ATP1A4: variants seen among roughly 807,000 people sequenced by gnomAD.
The protein encoded by ATP1A4 is ATPase Na+/K+ transporting subunit alpha 4.
In ATP1A4, 90 loss-of-function variants were observed where a neutral mutation model predicts 114.3. The ratio of observed to expected loss-of-function variants is 0.79; its 90% CI spans 0.66 to 0.94. ATP1A4 has a LOEUF of 0.94. ATP1A4 is among the 40% of genes least tolerant of loss of function. The pLI, the probability that ATP1A4 is intolerant of heterozygous loss-of-function variation, is 0.00. For synonymous variants in ATP1A4, 511 were observed against 494.1 expected (o/e 1.03, Z -0.45); for missense variants, 1,222 against 1,313.6 (o/e 0.93, Z 1.08).
intron 12 of ATP1A4, among the ~76,000 whole-genome samples, chr1:160,173,131 G>A (rs924008465): frequency 2.6e-5 from 4 of 152,182 alleles, no homozygotes; most frequent in Admixed American, 1.3e-4. Flanking sequence ...TGAAACCAAG[G>A]CACAGGGTGA....
At chr1:160,181,263 G>T (rs1053498006) in intron 18 of ATP1A4, among the ~76,000 whole-genome samples, 4 of 152,204 alleles carry the variant, frequency 2.6e-5, no homozygotes, top group African/African-American at 7.2e-5. Context: ...TCTAAAGAGT[G>T]AGGACCTGGC....
At chr1:160,181,137 T>A (rs896332406) in intron 18 of ATP1A4, among the ~76,000 whole-genome samples, 10 of 152,250 alleles carry the variant, frequency 6.6e-5, no homozygotes, top group African/African-American at 2.4e-4. Flanking sequence ...GACATAAAGC[T>A]AAATAAGGCA....
At chr1:160,155,899 A>G (rs1447146777) in intron 3 of ATP1A4, 146 bp from the exon 4 acceptor site, 1 of 589,334 alleles carries the variant, frequency 1.7e-6, no homozygotes, top group African/African-American at 1.9e-5. Context: ...GTCCCACCTC[A>G]GATTCTTCTC....
intron 6 of ATP1A4, among the ~76,000 whole-genome samples, chr1:160,161,079 G>T (rs1000862231): frequency 2.0e-5 from 3 of 152,134 alleles, no homozygotes; most frequent in Non-Finnish European, 4.4e-5. Context: ...AAATGGTTTT[G>T]TAGGAGGCTA....
intron 18 of ATP1A4, among the ~76,000 whole-genome samples, chr1:160,181,379 C>T (rs979881465): frequency 5.9e-5 from 9 of 151,902 alleles, no homozygotes; most frequent in Non-Finnish European, 1.0e-4. Flanking sequence ...ATGGTGAAAC[C>T]CCGTCTCTAC....
chr1:160,155,842 G>A (rs1317820162), intron 3 of ATP1A4, among the ~76,000 whole-genome samples: 2 of 152,058 alleles, frequency 1.3e-5, no homozygotes, highest in African/African-American at 2.4e-5. Context: ...TTTTGCTGAC[G>A]GCTCACCATG....
chr1:160,179,124 A>G (rs935589463), intron 18 of ATP1A4, among the ~76,000 whole-genome samples: 1 of 152,210 alleles, frequency 6.6e-6, no homozygotes. Flanking sequence ...AACCAAGCCA[A>G]TTGCAGGTTT....
intron 1 of ATP1A4, among the ~76,000 whole-genome samples, chr1:160,152,891 G>C (rs1652505467): frequency 1.3e-5 from 2 of 152,054 alleles, no homozygotes; most frequent in Admixed American, 1.3e-4. Context: ...AAAATTAGCT[G>C]GTCCTGGTGA....
rs912446864 is a variant in ATP1A4, at chr1:160,167,304, G to C, written c.1383G>C (p.Glu461Asp). The C allele has an allele frequency of 6.8e-6, 11 of 1,609,472 alleles. No individual in the cohort carries two copies. Among genetic ancestry groups the C allele is most frequent in the Non-Finnish European group, 6.8e-6 (8 of 1,178,666 alleles). The stretch of plus-strand genomic sequence containing the variant: ...GGGCCACAACAGGTGATGCTTCCGA[G>C]TCAGCCCTCCTCAAGTTCATCGAGC... ...AKRATTGDASESALLKFIEQS... is the reference protein window; with the variant it reads ...AKRATTGDASDSALLKFIEQS... Residue 461 changes from glutamate (E) to aspartate (D), a missense_variant, in exon 10 of 22, where the codon GAG (glutamate) becomes GAC (aspartate). Coordinates refer to ENST00000368081, the MANE Select transcript of ATP1A4 (RefSeq NM_144699.4).
At chr1:160,161,290 C>G (rs1435812292) in intron 6 of ATP1A4, among the ~76,000 whole-genome samples, 1 of 152,182 alleles carries the variant, frequency 6.6e-6, no homozygotes, top group Admixed American at 6.5e-5. Context: ...AACCTTTACC[C>G]TTGCCTCCCA....
intron 12 of ATP1A4, among the ~76,000 whole-genome samples, 171 bp downstream of exon 12, chr1:160,171,928 T>C (rs1355260092): frequency 6.6e-6 from 1 of 152,234 alleles, no homozygotes; most frequent in African/African-American, 2.4e-5. Flanking sequence ...GTTAGAATTC[T>C]ACTTGCATTG....
intron 1 of ATP1A4, 103 bp downstream of exon 1, chr1:160,152,290 C>A: frequency 7.3e-6 from 9 of 1,231,430 alleles, no homozygotes; most frequent in South Asian, 6.8e-5. Context: ...GCCAGAGCCA[C>A]ATCTCTTCTC....
chr1:160,165,294 A>C (rs1258240878), intron 7 of ATP1A4, among the ~76,000 whole-genome samples: 1 of 152,264 alleles, frequency 6.6e-6, no homozygotes, highest in African/African-American at 2.4e-5. Flanking sequence ...TGTTATTAGA[A>C]GCCCATACTT....
chr1:160,159,284 T>C, intron 5 of ATP1A4, 125 bp from the exon 6 acceptor site: 2 of 1,351,890 alleles, frequency 1.5e-6, no homozygotes, highest in South Asian at 2.8e-5. Flanking sequence ...AACAGATGTG[T>C]AAATTTGTTT....
intron 10 of ATP1A4, chr1:160,171,007 C>T (rs1366064609): frequency 7.7e-6 from 3 of 388,464 alleles, no homozygotes; most frequent in Non-Finnish European, 1.4e-5. Context: ...GGTTCTGCCC[C>T]CAGGGAGCTT....
rs181533915 is a variant in ATP1A4 at position 160,165,311 on chromosome 1, C to T, written c.1047+887C>T. On this transcript the variant is annotated intron_variant, in intron 7 of 21. Coordinates refer to ENST00000368081, the MANE Select transcript of ATP1A4 (RefSeq NM_144699.4). ...TTATTAGAAGCCCATACTTAGATAACCACAGCCTAAGAATTCATTAGCTTT... is the reference window on the plus strand; with the variant it reads ...TTATTAGAAGCCCATACTTAGATAATCACAGCCTAAGAATTCATTAGCTTT... Among the ~76,000 whole-genome samples, 316 of 152,328 alleles carry T rather than the reference C, an allele frequency of 2.1e-3. 3 individuals carry two copies. Among genetic ancestry groups the T allele is most frequent in the Admixed American group, 3.2e-3 (49 of 15,300 alleles).
In ATP1A4 at chr1:160,164,404, G is replaced by C; in HGVS notation, c.1027G>C (p.Gly343Arg). Residue 343 changes from glycine to arginine, a missense_variant, in exon 7 of 22, where the codon GGG (glycine) becomes CGG (arginine). By Grantham distance (125) the Gly-to-Arg change is moderately radical (BLOSUM62 -2). Transcript: ENST00000368081. ...IGIIVANVPE[G>R]LLATVTVCLT... ...CATCATTGTGGCCAATGTGCCTGAG[G>C]GGCTGTTGGCCACAGTCACTGTGAG... 1 of 1,614,134 alleles carries C rather than the reference G, an allele frequency of 6.2e-7. No individual in the cohort carries two copies. Among genetic ancestry groups the C allele is most frequent in the Non-Finnish European group, 8.5e-7 (1 of 1,180,006 alleles).
intron 2 of ATP1A4, 38 bp downstream of exon 2, chr1:160,153,262 A>C: frequency 2.5e-6 from 4 of 1,568,944 alleles, no homozygotes; most frequent in Non-Finnish European, 3.5e-6. Flanking sequence ...GAGAGTCTCC[A>C]ACTCTGACTG....
chr1:160,174,584 C>T lies in ATP1A4; in HGVS notation c.2148C>T (p.Ala716=), dbSNP rs1347279337. 1.9e-6 allele frequency: 3 copies of T among 1,613,354 alleles called. No individual in the cohort carries two copies. Among genetic ancestry groups the T allele is most frequent in the Non-Finnish European group, 2.5e-6 (3 of 1,179,402 alleles). Reference sequence around the variant, plus strand: ...CTCTGTCTGGACTTCCTCAGGGAGCCGTTGTGGCCGTGACAGGTGACGGGG... The same window carrying T: ...CTCTGTCTGGACTTCCTCAGGGAGCTGTTGTGGCCGTGACAGGTGACGGGG... The part of the protein sequence containing the change: ...IIVEGCQRLG[A]VVAVTGDGVN... Residue 716 remains alanine (A), a synonymous_variant, in exon 15 of 22, where the codon GCC becomes GCT. Transcript: ENST00000368081.
Sources: gnomAD v4.1 joint callset for allele counts (sites outside exome capture counted in the v4.1 genomes callset) on GRCh38, gnomAD v4.1.1 for gene constraint, MANE v1.5 for transcripts, NCBI Gene and HGNC (gene_info 2026-07-23, HGNC 2026-07-21) for gene names.